The following IFI16 variants were observed in gnomAD, a reference collection of about 807,000 sequenced individuals.
IFI16 encodes the protein interferon gamma inducible protein 16.
A neutral mutation model predicts 68.4 loss-of-function variants in IFI16; 49 were observed. That is an observed-to-expected ratio of 0.72 (90% CI 0.57 to 0.91). The LOEUF is 0.91. Among genes scored for constraint, IFI16 ranks in the 40% least tolerant of loss-of-function variants. IFI16 has a pLI of 0.00. For synonymous variants in IFI16, 307 were observed against 315.0 expected (o/e 0.97, Z 0.27); for missense variants, 878 against 942.9 (o/e 0.93, Z 0.90).
At position 159,051,749 on chromosome 1, in the gene IFI16, A is replaced by G. The variant is rs201040881; in HGVS notation, c.1736A>G (p.Glu579Gly). 1 of 1,614,110 alleles carries G rather than the reference A, an allele frequency of 6.2e-7. No individual in the cohort carries two copies. Among genetic ancestry groups the G allele is most frequent in the Non-Finnish European group, 8.5e-7 (1 of 1,179,942 alleles). ...GACAGTGCCCAGAGTGACCTCAAAG[A>G]AGTGATGGTGCTGAACGCAACAGAA... ...IEDSAQSDLK[E>G]VMVLNATESF... Residue 579 changes from glutamate to glycine, a missense_variant, in exon 10 of 12, where the codon GAA becomes GGA. Around this residue, in one of 4 missense-constraint regions of IFI16, gnomAD observed 311 missense variants for 305.1 expected, o/e 1.02. Transcript: ENST00000295809.
upstream of IFI16, among the ~76,000 whole-genome samples, chr1:159,004,831 CAG>C (rs1456815385): frequency 6.6e-6 from 1 of 152,094 alleles, no homozygotes; most frequent in East Asian, 1.9e-4. Flanking sequence ...TGAAATTAAA[CAG>C]AGTAAAGAAA....
At chr1:159,002,211 A>G (rs780150856), upstream of IFI16, among the ~76,000 whole-genome samples, 2 of 152,160 alleles carry the variant, frequency 1.3e-5, no homozygotes, top group Non-Finnish European at 2.9e-5. Context: ...AAGACAGTAC[A>G]TATTACTGAA....
chr1:159,011,541 G>T (rs954426973), intron 1 of IFI16, among the ~76,000 whole-genome samples: 1 of 151,814 alleles, frequency 6.6e-6, no homozygotes, highest in Non-Finnish European at 1.5e-5. Flanking sequence ...GTACATGTGT[G>T]TATATGAAGA....
At chr1:159,018,726 G>A in intron 5 of IFI16, 75 bp downstream of exon 5, 1 of 1,045,084 alleles carries the variant, frequency 9.6e-7, no homozygotes, top group Non-Finnish European at 1.4e-6. Flanking sequence ...GTGAGATGAA[G>A]CTTTGCCTAT....
intron 7 of IFI16, among the ~76,000 whole-genome samples, chr1:159,042,252 T>C (rs1164361562): frequency 1.3e-5 from 2 of 152,218 alleles, no homozygotes; most frequent in Non-Finnish European, 2.9e-5. Flanking sequence ...TTATTCCTGG[T>C]TTTGATTGGA....
At chr1:159,052,415 T>A (rs1655421209) in intron 10 of IFI16, 2 of 227,992 alleles carry the variant, frequency 8.8e-6, no homozygotes, top group Non-Finnish European at 1.8e-5. Context: ...AACACACATA[T>A]CCTTAGGATT....
chr1:159,001,488 A>G (rs963529038), upstream of IFI16, among the ~76,000 whole-genome samples: 1 of 152,238 alleles, frequency 6.6e-6, no homozygotes, highest in Non-Finnish European at 1.5e-5. Context: ...TAGAATTTAT[A>G]AGCAAAAATT....
At chr1:159,036,199 A>C (rs1051794204) in intron 7 of IFI16, among the ~76,000 whole-genome samples, 20 of 152,158 alleles carry the variant, frequency 1.3e-4, no homozygotes, top group Non-Finnish European at 2.8e-4. Flanking sequence ...TGTATTCTTT[A>C]TGTATATTGT....
At chr1:159,001,017 G>T (rs1159779509), upstream of IFI16, among the ~76,000 whole-genome samples, 1 of 152,118 alleles carries the variant, frequency 6.6e-6, no homozygotes, top group African/African-American at 2.4e-5. Flanking sequence ...AAGTCAGGAA[G>T]GGAAAGTTTA....
At chr1:159,001,458 A>G (rs984556550), upstream of IFI16, among the ~76,000 whole-genome samples, 1 of 152,238 alleles carries the variant, frequency 6.6e-6, no homozygotes, top group African/African-American at 2.4e-5. Flanking sequence ...TGATAGCTAG[A>G]GAAACCCTAT....
intron 6 of IFI16, among the ~76,000 whole-genome samples, chr1:159,021,844 G>A (rs1653338653): frequency 6.6e-6 from 1 of 151,258 alleles, no homozygotes; most frequent in Admixed American, 6.6e-5. Context: ...GCATTTCCCT[G>A]ATCATTAGTG....
intron 7 of IFI16, among the ~76,000 whole-genome samples, chr1:159,042,735 A>G (rs1052997807): frequency 1.3e-5 from 2 of 152,214 alleles, no homozygotes; most frequent in Non-Finnish European, 2.9e-5. Flanking sequence ...CTACTCAGCA[A>G]TAAATGTAGA....
Position 159,032,650 on chromosome 1 carries a change from C to T in IFI16, c.1288C>T (p.Gln430Ter). ...TFPESHLRTPQMPPTTPSSSF... is the reference protein window; with the variant it reads ...TFPESHLRTP ...CCCTGAGAGCCATCTTCGGACTCCT[C>T]AGATGCCACCAACAACTCCATCCAG... The change falls in exon 7 of 12, where the codon CAG becomes TAG. Residue 430 changes from glutamine (Q) to a stop codon, truncating the protein, a stop_gained. Transcript: ENST00000295809. LOFTEE classifies it high-confidence loss of function. The T allele has an allele frequency of 6.2e-7, 1 of 1,607,508 alleles. No individual in the cohort carries two copies. The highest frequency in any genetic ancestry group is 8.5e-7 in the Non-Finnish European group (1 of 1,177,764).
rs778544917 is a variant in IFI16 at position 159,020,354 on chromosome 1, A to G, written c.986A>G (p.Gln329Arg). Residue 329 changes from glutamine (Q) to arginine (R), a missense_variant, in exon 6 of 12, where the codon CAG becomes CGG. Physicochemically the swap from Gln to Arg is conservative, Grantham distance 43. This residue lies in a region of IFI16 where 443 missense variants were observed against 421.8 expected (regional missense o/e 1.05). Coordinates refer to ENST00000295809, the MANE Select transcript of IFI16 (RefSeq NM_001376587.1). ...VFMLHKKTVNQKTTIYEIQDD... is the reference protein window; with the variant it reads ...VFMLHKKTVNRKTTIYEIQDD... ...TTTCTGTTACAGAAAACAGTAAATC[A>G]GAAGACCACAATCTACGAAATTCAG... 6.2e-6 allele frequency: 10 copies of G among 1,606,176 alleles called. No individual in the cohort carries two copies. Among genetic ancestry groups the G allele is most frequent in the Non-Finnish European group, 8.5e-6 (10 of 1,176,520 alleles).
chr1:159,025,359 CTA>C (rs1339056439), intron 6 of IFI16, among the ~76,000 whole-genome samples: 3 of 152,088 alleles, frequency 2.0e-5, no homozygotes, highest in African/African-American at 4.8e-5. Flanking sequence ...TTATATTTGA[CTA>C]TTTTTTGTAT....
In IFI16 at chr1:159,023,069, A is replaced by T. The variant is rs541498092; in HGVS notation, c.1161+2540A>T. Among the ~76,000 whole-genome samples, 4 of 152,346 alleles carry T rather than the reference A, an allele frequency of 2.6e-5. No individual in the cohort carries two copies. The East Asian group carries it at 7.7e-4, about 29-fold the overall frequency. ...GGGAATAATATAACAGCCTACAAGA[A>T]TAAGTACACCAATAACAAGAGCAAA... On this transcript the variant is annotated intron_variant, in intron 6 of 11. Transcript: ENST00000295809.
chr1:159,032,714 C>A, intron 7 of IFI16, 23 bp downstream of exon 7: 1 of 1,545,104 alleles, frequency 6.5e-7, no homozygotes, highest in African/African-American at 1.4e-5. Context: ...GGGTCCCATG[C>A]CTCATGTCTC....
chr1:159,042,577 G>T (rs769799452), intron 7 of IFI16, among the ~76,000 whole-genome samples: 1 of 152,002 alleles, frequency 6.6e-6, no homozygotes, highest in Non-Finnish European at 1.5e-5. Flanking sequence ...CAACCACAAG[G>T]TACCAGTCTA....
Position 159,035,362 on chromosome 1 carries a change from A to G in IFI16, c.1329+2671A>G, listed in dbSNP as rs375613468. Among the ~76,000 whole-genome samples the G allele has an allele frequency of 3.9e-5, 6 of 152,312 alleles. No homozygotes were observed. The East Asian group carries it at 1.2e-3, about 29-fold the overall frequency. Reference sequence around the variant, plus strand: ...TTCTTTGTGCCTTTTCAGTGACTAAAGTGGCATCTCCAAACAACTATGCTT... The same window carrying G: ...TTCTTTGTGCCTTTTCAGTGACTAAGGTGGCATCTCCAAACAACTATGCTT... On this transcript the variant is annotated intron_variant, in intron 7 of 11. Transcript: ENST00000295809.
Sources: gnomAD v4.1 joint callset for allele counts (sites outside exome capture counted in the v4.1 genomes callset) on GRCh38, gnomAD v4.1.1 for gene constraint, gnomAD v4.1.1 regional missense constraint, MANE v1.5 for transcripts, NCBI Gene and HGNC (gene_info 2026-07-23, HGNC 2026-07-21) for gene names.